The following UPP2 variants were observed in gnomAD, a reference collection of about 807,000 sequenced individuals.
UPP2 encodes uridine phosphorylase 2, also known as UPase 2.
Under a neutral mutation model 26.7 loss-of-function variants are expected in UPP2, and 23 were observed. That is an observed-to-expected ratio of 0.86 (90% confidence interval 0.62 to 1.22). The LOEUF is 1.22. Among genes scored for constraint, UPP2 ranks in the 50% most tolerant of loss-of-function variants. The pLI is 0.00. For synonymous variants in UPP2, 127 were observed against 141.3 expected, an observed-to-expected ratio of 0.90 and a Z score of 0.72; for missense variants, 387 against 396.7, an observed-to-expected ratio of 0.98 and a Z score of 0.21.
intron 3 of UPP2, among the ~76,000 whole-genome samples, chr2:158,023,760 A>AG (rs66505709): frequency 1 from 152,296 of 152,296 alleles, 76,148 homozygotes; most frequent in Non-Finnish European, 1. Flanking sequence ...ATACACAAGC[A>AG]GCCACTCTTC....
Position 158,115,111 on chromosome 2 carries a change from T to C in UPP2, c.191T>C (p.Val64Ala), listed in dbSNP as rs1402494356. 1.2e-6 allele frequency: 2 copies of C among 1,605,790 alleles called. No homozygotes were observed. Among genetic ancestry groups the C allele is most frequent in the African/African-American group, 2.7e-5 (2 of 74,226 alleles). The change falls in exon 3 of 7, where the codon GTC becomes GCC. Residue 64 changes from valine to alanine, a missense_variant. Val to Ala is a moderately conservative substitution (Grantham distance 64, BLOSUM62 0). Transcript: ENST00000005756. ...TATTTTTATTAACAGTTTGTCTGTG[T>C]CGGTGGGAGCCCCAACAGAATGAAA... The part of the protein sequence containing the change: ...AMFGDVKFVC[V>A]GGSPNRMKAF...
At chr2:158,065,590 AAC>A in intron 3 of UPP2, 1 of 561,536 alleles carries the variant, frequency 1.8e-6, no homozygotes, top group Non-Finnish European at 3.5e-6. Context: ...CACATACAAG[AAC>A]ATGAGGATTT....
chr2:158,101,831 G>T (rs553964437), upstream of UPP2: 2 of 1,298,764 alleles, frequency 1.5e-6, no homozygotes, highest in Non-Finnish European at 1.9e-6. Context: ...TCTGAGAGCT[G>T]GGCTGTGGTA....
intron 3 of UPP2, among the ~76,000 whole-genome samples, chr2:158,068,820 T>A (rs1432113011): frequency 1.2e-5 from 1 of 81,294 alleles, no homozygotes; most frequent in Non-Finnish European, 2.4e-5. Flanking sequence ...TTTTTTTTTT[T>A]TTTTTTTTTT....
At chr2:158,074,259 A>G (rs1682590290) in intron 3 of UPP2, among the ~76,000 whole-genome samples, 2 of 152,208 alleles carry the variant, frequency 1.3e-5, no homozygotes. Flanking sequence ...TAGCAAGCAC[A>G]CAGAAAAGCA....
rs1204762542 is a variant in UPP2 at position 158,108,263 on chromosome 2, GTTA to G, written c.180+2052_180+2054del. Among the ~76,000 whole-genome samples, 118 of 152,094 alleles carry G rather than the reference GTTA, an allele frequency of 7.8e-4. 2 individuals carry two copies. Among genetic ancestry groups the G allele is most frequent in the Non-Finnish European group, 7.3e-5 (5 of 68,036 alleles). On this transcript the variant is annotated intron_variant, in intron 2 of 6. Transcript: ENST00000005756. ...ACATTCAGTCCCCACAGCAACTATA[GTTA>G]TTATCTCCACTTTACAGATGAGAAA...
Position 158,134,797 on chromosome 2 carries a change from C to T in UPP2, c.861C>T (p.Ile287=). Residue 287 remains isoleucine, a synonymous_variant, in exon 7 of 7, where the codon ATC becomes ATT. Coordinates refer to ENST00000005756, the MANE Select transcript of UPP2 (RefSeq NM_173355.4). ...TLLDRLDCDQ[I]NLPHDVLVEY... The stretch of plus-strand genomic sequence containing the variant: ...TCGACAGACTCGACTGTGATCAGAT[C>T]AACTTGCCTCATGATGTCCTGGTGG... 1 of 1,613,728 alleles carries T rather than the reference C, an allele frequency of 6.2e-7. No homozygotes were observed. Among genetic ancestry groups the T allele is most frequent in the Non-Finnish European group, 8.5e-7 (1 of 1,179,794 alleles).
chr2:158,005,971 C>G (rs1683481188), intron 2 of UPP2, among the ~76,000 whole-genome samples: 1 of 152,182 alleles, frequency 6.6e-6, no homozygotes, highest in Non-Finnish European at 1.5e-5. Flanking sequence ...ATCCCCTCCT[C>G]ACACTCACCT....
At chr2:158,117,963 T>C in intron 4 of UPP2, 25 bp downstream of exon 4, 1 of 1,558,516 alleles carries the variant, frequency 6.4e-7, no homozygotes, top group Non-Finnish European at 8.9e-7. Context: ...TGTCTACTAT[T>C]AGAACTGAGT....
chr2:158,105,736 C>T (rs1261296811), intron 1 of UPP2, among the ~76,000 whole-genome samples: 1 of 152,208 alleles, frequency 6.6e-6, no homozygotes, highest in Non-Finnish European at 1.5e-5. Context: ...ATGACCGTTA[C>T]AGTCAGAACT....
At chr2:158,026,154 T>C (rs1385441083) in intron 3 of UPP2, among the ~76,000 whole-genome samples, 2 of 152,118 alleles carry the variant, frequency 1.3e-5, no homozygotes, top group Admixed American at 1.3e-4. Context: ...TGAGGCGGCC[T>C]GGTTTCTTAG....
intron 3 of UPP2, among the ~76,000 whole-genome samples, chr2:158,034,392 G>A (rs1683970023): frequency 6.6e-6 from 1 of 152,170 alleles, no homozygotes; most frequent in Non-Finnish European, 1.5e-5. Context: ...TAGGGCAAAG[G>A]CTTCTGCTCA....
At chr2:158,094,008 C>CTTTTTT (rs1682950629) in intron 3 of UPP2, among the ~76,000 whole-genome samples, 1 of 150,002 alleles carries the variant, frequency 6.7e-6, no homozygotes, top group Non-Finnish European at 1.5e-5. Context: ...ACATATGATT[C>CTTTTTT]TTATATATAC....
At chr2:158,119,847 T>C (rs1683525125) in intron 4 of UPP2, among the ~76,000 whole-genome samples, 1 of 151,398 alleles carries the variant, frequency 6.6e-6, no homozygotes, top group African/African-American at 2.4e-5. Flanking sequence ...CCATCTCTAC[T>C]AAAAATACAA....
chr2:157,999,700 C>T (rs746874031), intron 2 of UPP2, among the ~76,000 whole-genome samples: 3 of 152,180 alleles, frequency 2.0e-5, no homozygotes, highest in Non-Finnish European at 2.9e-5. Flanking sequence ...TGCCTACTGA[C>T]ATCTTGATAA....
At chr2:158,061,553 C>A (rs1388149245) in intron 3 of UPP2, among the ~76,000 whole-genome samples, 1 of 152,230 alleles carries the variant, frequency 6.6e-6, no homozygotes, top group African/African-American at 2.4e-5. Flanking sequence ...TAGATTTAAA[C>A]TTCCTCCTGA....
intron 3 of UPP2, among the ~76,000 whole-genome samples, chr2:158,046,805 A>T (rs1049859921): frequency 1.3e-5 from 2 of 152,138 alleles, no homozygotes; most frequent in Non-Finnish European, 2.9e-5. Flanking sequence ...AAGCTTAGGG[A>T]GTTCTGTAAG....
rs111441505 is a variant in UPP2 at position 158,116,363 on chromosome 2, A to G, written c.339+1104A>G. Reference sequence around the variant, plus strand: ...TTTTTTGTATAGTAAATGGAGAAGGACAAAAAAGTAAGTTTCTTAAAAATG... The same window carrying G: ...TTTTTTGTATAGTAAATGGAGAAGGGCAAAAAAGTAAGTTTCTTAAAAATG... On this transcript the variant is annotated intron_variant, in intron 3 of 6. Transcript: ENST00000005756. 7.8e-3 allele frequency among the ~76,000 whole-genome samples: 1,195 copies of G among 152,322 alleles called. 10 individuals are homozygous for G. Among genetic ancestry groups the G allele is most frequent in the African/African-American group, 0.027 (1,132 of 41,562 alleles).
rs1247190001 is a variant in UPP2, at chr2:158,106,197, C to A, written c.161C>A (p.Ala54Glu). Residue 54 changes from alanine (A) to glutamate (E), a missense_variant, in exon 2 of 7, where the codon GCA becomes GAA. By Grantham distance (107) the Ala-to-Glu change is moderately radical. Transcript: ENST00000005756. ...GGAACAAAAACACACAACCTACCAG[C>A]AATGTTTGGAGATGTAAAGGTAAAA... ...DLGTKTHNLP[A>E]MFGDVKFVCV... 1 of 1,611,078 alleles carries A rather than the reference C, an allele frequency of 6.2e-7. No individual in the cohort carries two copies. Among genetic ancestry groups the A allele is most frequent in the Non-Finnish European group, 8.5e-7 (1 of 1,178,866 alleles).
Sources: allele counts gnomAD v4.1 joint callset (sites outside exome capture counted in the v4.1 genomes callset), GRCh38; gene constraint gnomAD v4.1.1; transcripts MANE v1.5; gene names NCBI Gene and HGNC (gene_info 2026-07-23, HGNC 2026-07-21).